Variants in VTA1 observed in about 807,000 individuals in gnomAD.
VTA1 encodes vesicle trafficking 1.
A neutral mutation model predicts 36.9 loss-of-function variants in VTA1; 24 were observed. That is an observed-to-expected ratio of 0.65 (90% confidence interval 0.47 to 0.91). The LOEUF is 0.91. Among genes scored for constraint, VTA1 ranks in the 40% least tolerant of loss-of-function variants. VTA1 has a pLI of 0.00. For synonymous variants in VTA1, 142 were observed against 130.2 expected (o/e 1.09, Z -0.62); for missense variants, 393 against 377.2 (o/e 1.04, Z -0.35).
intron 7 of VTA1, among the ~76,000 whole-genome samples, chr6:142,211,131 A>G (rs1775894713): frequency 6.6e-6 from 1 of 152,122 alleles, no homozygotes; most frequent in Non-Finnish European, 1.5e-5. Context: ...ATCTCGTGAA[A>G]ATAGAGGTAG....
chr6:142,176,163 A>C (rs1027839104), intron 4 of VTA1, among the ~76,000 whole-genome samples: 5 of 152,148 alleles, frequency 3.3e-5, no homozygotes, highest in Non-Finnish European at 7.3e-5. Context: ...TTTTAGATTC[A>C]TTTCACTACT....
chr6:142,150,439 T>C (rs912817600), intron 1 of VTA1, among the ~76,000 whole-genome samples: 2 of 152,234 alleles, frequency 1.3e-5, no homozygotes, highest in Admixed American at 1.3e-4. Context: ...AATATGCTGC[T>C]TATCTTTTCC....
intron 1 of VTA1, among the ~76,000 whole-genome samples, chr6:142,147,791 A>G (rs535753823): frequency 2.0e-5 from 3 of 152,340 alleles, no homozygotes; most frequent in African/African-American, 4.8e-5. Flanking sequence ...TAAAAGGACG[A>G]TAGACTAGTT....
chr6:142,196,201 G>A (rs1022878612), intron 5 of VTA1, among the ~76,000 whole-genome samples: 2 of 152,004 alleles, frequency 1.3e-5, no homozygotes, highest in Non-Finnish European at 2.9e-5. Context: ...CTATTTGGCC[G>A]GATTTTAAAG....
At position 142,221,201 on chromosome 6, in the gene VTA1, A is replaced by G. The variant is rs1776103647; in HGVS notation, c.*2558A>G. The G allele has an allele frequency of 6.6e-6, 1 of 152,224 alleles. No individual in the cohort carries two copies. Among genetic ancestry groups the G allele is most frequent in the Non-Finnish European group, 1.5e-5 (1 of 68,042 alleles). The allele number at this position is 152,224 out of a possible 1,614,324, so 9.4% of individuals were successfully genotyped here. On this transcript the variant is annotated 3_prime_UTR_variant, in exon 8 of 8. Transcript: ENST00000367630. ...AGCATCACCTGCGAACTTGCTAGAA[A>G]GTTCTGGGGACCACACTATGGGAAC... is the stretch of plus-strand genomic sequence containing the variant.
chr6:142,164,168 A>G (rs1033220332), intron 1 of VTA1, among the ~76,000 whole-genome samples: 1 of 152,196 alleles, frequency 6.6e-6, no homozygotes, highest in African/African-American at 2.4e-5. Flanking sequence ...AAATTTTGGC[A>G]ATACAGTAAG....
chr6:142,191,662 AG>A (rs1775458259), intron 5 of VTA1, among the ~76,000 whole-genome samples: 1 of 152,080 alleles, frequency 6.6e-6, no homozygotes, highest in African/African-American at 2.4e-5. Context: ...TACAATATAA[AG>A]GAGAATATTT....
chr6:142,166,182 A>T (rs113182478), intron 1 of VTA1, 46 bp from the exon 2 acceptor site: 16,688 of 1,324,618 alleles, frequency 0.013, 305 homozygotes, highest in South Asian at 0.06. Context: ...ATAAACATGG[A>T]TGTTTAAAAA....
At chr6:142,147,673 C>T (rs528100372) in intron 1 of VTA1, among the ~76,000 whole-genome samples, 81 of 152,338 alleles carry the variant, frequency 5.3e-4, no homozygotes, top group Admixed American at 1.6e-3. Flanking sequence ...CCAAGGTTTT[C>T]TCTGTGTGTG....
At chr6:142,177,874 TA>T (rs1194753483) in intron 4 of VTA1, among the ~76,000 whole-genome samples, 2 of 152,192 alleles carry the variant, frequency 1.3e-5, no homozygotes, top group Non-Finnish European at 2.9e-5. Flanking sequence ...GAAACTATCC[TA>T]AACTGATGTG....
intron 6 of VTA1, among the ~76,000 whole-genome samples, chr6:142,200,296 T>C (rs1211292087): frequency 6.6e-6 from 1 of 152,060 alleles, no homozygotes; most frequent in Non-Finnish European, 1.5e-5. Context: ...CTCCTTTCCC[T>C]CTTTTTTTCC....
intron 7 of VTA1, among the ~76,000 whole-genome samples, chr6:142,214,408 C>T (rs993768842): frequency 2.0e-5 from 3 of 152,108 alleles, no homozygotes; most frequent in East Asian, 3.9e-4. Flanking sequence ...GAAGCAGGCA[C>T]CTTCTTCACA....
At chr6:142,188,581 G>T (rs1775392338) in intron 4 of VTA1, among the ~76,000 whole-genome samples, 1 of 152,126 alleles carries the variant, frequency 6.6e-6, no homozygotes, top group Non-Finnish European at 1.5e-5. Flanking sequence ...GTCTTGTAGT[G>T]CAGGTGCAGG....
Position 142,147,336 on chromosome 6 carries a change from A to G in VTA1, c.49A>G (p.Ile17Val). 1.2e-6 allele frequency: 2 copies of G among 1,614,246 alleles called. No homozygotes were observed. Among genetic ancestry groups the G allele is most frequent in the Non-Finnish European group, 1.7e-6 (2 of 1,180,040 alleles). ...CCCGCTCCCCGCACAGTTCAAGAGC[A>G]TACAGCATCATCTGAGGACGGCTCA... ...LPPLPAQFKS[I>V]QHHLRTAQEH... Residue 17 changes from isoleucine to valine, a missense_variant, in exon 1 of 8, where the codon ATA becomes GTA. Coordinates refer to ENST00000367630, the MANE Select transcript of VTA1 (RefSeq NM_016485.5).
At chr6:142,210,174 A>AT (rs1480898229) in intron 7 of VTA1, among the ~76,000 whole-genome samples, 2 of 152,100 alleles carry the variant, frequency 1.3e-5, no homozygotes, top group Non-Finnish European at 2.9e-5. Flanking sequence ...GGAAAGGACA[A>AT]TTTTTTCAAT....
intron 6 of VTA1, 129 bp downstream of exon 6, chr6:142,198,744 C>G (rs1775620128): frequency 1.3e-6 from 1 of 787,820 alleles, no homozygotes. Flanking sequence ...CCATTTGAAC[C>G]CACAAGAAAC....
intron 1 of VTA1, among the ~76,000 whole-genome samples, chr6:142,162,646 C>A (rs182387606): frequency 3.2e-4 from 49 of 152,198 alleles, no homozygotes; most frequent in African/African-American, 1.1e-3. Flanking sequence ...GTTTCTGCTG[C>A]TTGGATGCAG....
chr6:142,202,407 A>G (rs1775705642), intron 6 of VTA1, among the ~76,000 whole-genome samples: 1 of 151,946 alleles, frequency 6.6e-6, no homozygotes, highest in Non-Finnish European at 1.5e-5. Context: ...TGTAATAGCA[A>G]AAGATTGGAA....
intron 1 of VTA1, among the ~76,000 whole-genome samples, chr6:142,147,654 T>C (rs1479494587): frequency 2.6e-5 from 4 of 152,240 alleles, no homozygotes; most frequent in Non-Finnish European, 5.9e-5. Flanking sequence ...AACTGTGGAA[T>C]ATAATCTTCC....
Sources: allele counts gnomAD v4.1 joint callset (sites outside exome capture counted in the v4.1 genomes callset), GRCh38; gene constraint gnomAD v4.1.1; transcripts MANE v1.5; gene names NCBI Gene and HGNC (gene_info 2026-07-23, HGNC 2026-07-21).